Variants in ROBO2 observed in about 807,000 individuals in gnomAD.
The protein encoded by ROBO2 is roundabout guidance receptor 2, also known as roundabout homolog 2.
A neutral mutation model predicts 160.8 loss-of-function variants in ROBO2; 53 were observed. The observed-to-expected ratio is 0.33, with a 90% confidence interval of 0.26 to 0.41. ROBO2 has a LOEUF of 0.41. ROBO2 is among the 10% of genes least tolerant of loss of function. The pLI is 1.00. For synonymous variants in ROBO2, 664 were observed against 611.7 expected, an observed-to-expected ratio of 1.09 and a Z score of -1.26; for missense variants, 1,577 against 1,722.4, an observed-to-expected ratio of 0.92 and a Z score of 1.49.
chr3:76,872,513 A>G (rs1400798360), intron 2 of ROBO2, among the ~76,000 whole-genome samples: 1 of 151,964 alleles, frequency 6.6e-6, no homozygotes, highest in Non-Finnish European at 1.5e-5. Flanking sequence ...GTGCTCAAGA[A>G]ATATATTATT....
At chr3:76,891,481 A>G (rs2074340813) in intron 2 of ROBO2, among the ~76,000 whole-genome samples, 1 of 152,166 alleles carries the variant, frequency 6.6e-6, no homozygotes, top group African/African-American at 2.4e-5. Flanking sequence ...TGGTTTTTCC[A>G]TCTCTTCTTG....
chr3:76,644,324 T>TAA (rs113697930), intron 2 of ROBO2, among the ~76,000 whole-genome samples: 6 of 151,824 alleles, frequency 4.0e-5, no homozygotes, highest in African/African-American at 1.2e-4. Flanking sequence ...GCATAAGGGG[T>TAA]AAAAAAGCCT....
intron 6 of ROBO2, 61 bp from the exon 7 acceptor site, chr3:77,527,342 T>TTTTC: frequency 1.6e-6 from 2 of 1,228,740 alleles, no homozygotes; most frequent in South Asian, 2.5e-5. Context: ...TTCTGATAAT[T>TTTTC]TTTCTTTCTT....
chr3:77,351,215 T>C (rs1340978604), intron 2 of ROBO2, among the ~76,000 whole-genome samples: 1 of 152,044 alleles, frequency 6.6e-6, no homozygotes, highest in African/African-American at 2.4e-5. Flanking sequence ...TATAGTCAGA[T>C]CTCGAATAAA....
chr3:76,807,092 T>C (rs1310555092), intron 2 of ROBO2, among the ~76,000 whole-genome samples: 1 of 152,128 alleles, frequency 6.6e-6, no homozygotes, highest in Non-Finnish European at 1.5e-5. Context: ...TTTATTTTAA[T>C]TATTGCAATT....
chr3:76,961,257 A>AAC (rs1300787550), intron 2 of ROBO2, among the ~76,000 whole-genome samples: 5 of 151,766 alleles, frequency 3.3e-5, no homozygotes, highest in African/African-American at 1.2e-4. Flanking sequence ...GAAAAAAAAA[A>AAC]AAAAAAAAAA....
intron 1 of ROBO2, among the ~76,000 whole-genome samples, chr3:75,908,256 G>C (rs1436884459): frequency 1.3e-5 from 2 of 152,090 alleles, no homozygotes; most frequent in Non-Finnish European, 2.9e-5. Context: ...GGTCAAGAGA[G>C]CTTAAAGGTT....
intron 2 of ROBO2, among the ~76,000 whole-genome samples, chr3:76,991,079 A>G (rs1559810097): frequency 6.6e-6 from 1 of 152,094 alleles, no homozygotes. Flanking sequence ...AGTGTACTTA[A>G]CTTTCTTTTC....
rs2086867530 is a variant in ROBO2, at chr3:76,598,210, T to C, written c.110-499804T>C. Among the ~76,000 whole-genome samples the C allele has an allele frequency of 2.0e-5, 3 of 152,034 alleles. No homozygotes were observed. The South Asian group carries it at 6.2e-4, about 32-fold the overall frequency. ...ACTGCAAAATTCCATTTATATAACA[T>C]TCTAAATGACAAATTTTTAGAAATG... On this transcript the variant is annotated intron_variant, in intron 2 of 26. Transcript: ENST00000487694.
rs181916710 is a variant in ROBO2 at position 76,733,807 on chromosome 3, C to T, written c.110-364207C>T. ...GGCTTCTATAAACAATTACGAATGG[C>T]TGGATGGCTTACACAACATGCATTT... On this transcript the variant is annotated intron_variant, in intron 2 of 26. Coordinates refer to the ROBO2 transcript ENST00000487694. Among the ~76,000 whole-genome samples the T allele has an allele frequency of 4.5e-3, 684 of 152,254 alleles. 5 individuals are homozygous for T. Among genetic ancestry groups the T allele is most frequent in the Middle Eastern group, 6.8e-3 (2 of 294 alleles).
intron 2 of ROBO2, among the ~76,000 whole-genome samples, chr3:75,962,177 A>G (rs1002534415): frequency 1.3e-5 from 2 of 151,692 alleles, no homozygotes; most frequent in African/African-American, 4.8e-5. Flanking sequence ...TTGAAAGCAA[A>G]AGAAAAATAA....
intron 2 of ROBO2, among the ~76,000 whole-genome samples, chr3:76,020,551 T>C (rs2066544196): frequency 2.0e-5 from 3 of 151,894 alleles, no homozygotes; most frequent in African/African-American, 4.8e-5. Context: ...AAGGTCTACA[T>C]TGATAATTTT....
intron 2 of ROBO2, among the ~76,000 whole-genome samples, chr3:77,320,822 A>T (rs964224721): frequency 2.6e-5 from 4 of 152,210 alleles, no homozygotes; most frequent in African/African-American, 9.6e-5. Context: ...TCTTTTTAAA[A>T]CATTATCTGA....
At chr3:77,152,767 T>C (rs1195047284) in intron 2 of ROBO2, among the ~76,000 whole-genome samples, 1 of 152,240 alleles carries the variant, frequency 6.6e-6, no homozygotes, top group Admixed American at 6.5e-5. Context: ...CAAACAGCTT[T>C]ATTGAGATAA....
At chr3:77,345,083 A>T (rs533554800) in intron 2 of ROBO2, among the ~76,000 whole-genome samples, 1 of 152,232 alleles carries the variant, frequency 6.6e-6, no homozygotes, top group East Asian at 1.9e-4. Flanking sequence ...CCTTAAAAAA[A>T]ACCGTAAAAA....
At chr3:77,469,784 A>G (rs1487180611) in intron 2 of ROBO2, among the ~76,000 whole-genome samples, 2 of 152,188 alleles carry the variant, frequency 1.3e-5, no homozygotes, top group Non-Finnish European at 2.9e-5. Flanking sequence ...ATCAAATTCA[A>G]ACACTGTGGT....
At chr3:76,186,598 A>G (rs1701775680) in intron 2 of ROBO2, among the ~76,000 whole-genome samples, 1 of 152,044 alleles carries the variant, frequency 6.6e-6, no homozygotes, top group South Asian at 2.1e-4. Context: ...CTGTCTCTTC[A>G]GTGTCATTTG....
chr3:76,091,325 A>G (rs1407094740), intron 2 of ROBO2, among the ~76,000 whole-genome samples: 1 of 152,228 alleles, frequency 6.6e-6, no homozygotes, highest in Non-Finnish European at 1.5e-5. Flanking sequence ...TAAAATAAGC[A>G]TATGAAAATA....
intron 2 of ROBO2, among the ~76,000 whole-genome samples, chr3:76,146,494 G>A (rs1490137069): frequency 6.6e-6 from 1 of 151,580 alleles, no homozygotes; most frequent in African/African-American, 2.4e-5. Context: ...AAATCTCTCT[G>A]ACCTCTTTTA....
Sources: gnomAD v4.1 joint callset for allele counts (sites outside exome capture counted in the v4.1 genomes callset) on GRCh38, gnomAD v4.1.1 for gene constraint, MANE v1.5 for transcripts, NCBI Gene and HGNC (gene_info 2026-07-23, HGNC 2026-07-21) for gene names.